The following CMSS1 variants were observed in gnomAD, a reference collection of about 807,000 sequenced individuals.
The protein encoded by CMSS1 is protein CMSS1.
In CMSS1, 33 loss-of-function variants were observed where a neutral mutation model predicts 43.5. The observed-to-expected ratio is 0.76, with a 90% CI of 0.57 to 1.01. The LOEUF (loss-of-function observed/expected upper bound fraction) is 1.01. Among genes scored for constraint, CMSS1 ranks in the 50% least tolerant of loss-of-function variants. CMSS1 has a pLI of 0.00. For missense variants in CMSS1, 313 were observed against 326.4 expected (o/e 0.96, Z 0.32); for synonymous variants, 115 against 117.2 (o/e 0.98, Z 0.12).
intron 1 of CMSS1, among the ~76,000 whole-genome samples, chr3:100,112,609 TA>T (rs1179031307): frequency 6.6e-6 from 1 of 152,246 alleles, no homozygotes; most frequent in Non-Finnish European, 1.5e-5. Flanking sequence ...TGTCACTCTT[TA>T]AATAATGAAT....
At chr3:100,124,160 T>TAA (rs960902149) in intron 1 of CMSS1, among the ~76,000 whole-genome samples, 2 of 152,234 alleles carry the variant, frequency 1.3e-5, no homozygotes, top group African/African-American at 4.8e-5. Flanking sequence ...AGCATCTGGT[T>TAA]AGAGTTTAAT....
chr3:100,021,886 T>C lies in CMSS1; in HGVS notation c.65-125087T>C, dbSNP rs1454651771. ...AATAGCTGATACTTTATGAAACTGT[T>C]CTTAGAATAGCTTGGATGCTAGATC... is the stretch of plus-strand genomic sequence containing the variant. On this transcript the variant is annotated intron_variant, in intron 1 of 9. Coordinates refer to ENST00000421999, the MANE Select transcript of CMSS1 (RefSeq NM_032359.4). 3.3e-5 allele frequency among the ~76,000 whole-genome samples: 5 copies of C among 149,832 alleles called. No homozygotes were observed. The East Asian group carries it at 9.8e-4, about 29-fold the overall frequency.
At chr3:99,990,733 C>T (rs569632706) in intron 1 of CMSS1, among the ~76,000 whole-genome samples, 149 of 150,648 alleles carry the variant, frequency 9.9e-4, no homozygotes, top group Non-Finnish European at 1.5e-3. Flanking sequence ...CAAGTGCCCA[C>T]GGGAGGAAAA....
chr3:99,911,834 TC>T (rs1706799195), intron 1 of CMSS1, among the ~76,000 whole-genome samples: 1 of 152,180 alleles, frequency 6.6e-6, no homozygotes, highest in Non-Finnish European at 1.5e-5. Flanking sequence ...TATTTTTTTT[TC>T]CTAGTTCCTA....
intron 1 of CMSS1, among the ~76,000 whole-genome samples, chr3:100,101,841 A>G (rs1442544458): frequency 6.6e-6 from 1 of 151,948 alleles, no homozygotes; most frequent in African/African-American, 2.4e-5. Context: ...TCATTGTTCA[A>G]TTCCCACCTA....
chr3:100,016,888 A>T (rs1316057145), intron 1 of CMSS1, among the ~76,000 whole-genome samples: 2 of 152,246 alleles, frequency 1.3e-5, no homozygotes, highest in Non-Finnish European at 2.9e-5. Flanking sequence ...AGTGAGAATT[A>T]GTTGTGTCCA....
intron 1 of CMSS1, among the ~76,000 whole-genome samples, chr3:99,912,134 A>C (rs1706809701): frequency 6.6e-6 from 1 of 152,178 alleles, no homozygotes; most frequent in South Asian, 2.1e-4. Flanking sequence ...ATACATCCAT[A>C]CTGACCTTTT....
chr3:99,945,866 T>G (rs1707992556), intron 1 of CMSS1, among the ~76,000 whole-genome samples: 1 of 152,162 alleles, frequency 6.6e-6, no homozygotes, highest in Non-Finnish European at 1.5e-5. Flanking sequence ...ATGCGAAACC[T>G]CTTGTCACAG....
chr3:99,840,756 CAA>C (rs1943098408), intron 1 of CMSS1, among the ~76,000 whole-genome samples: 1 of 152,174 alleles, frequency 6.6e-6, no homozygotes, highest in Non-Finnish European at 1.5e-5. Flanking sequence ...TCACCAAGTT[CAA>C]TTCGCTTATT....
chr3:100,162,621 G>A (rs1274569524), intron 4 of CMSS1, among the ~76,000 whole-genome samples, 189 bp downstream of exon 4: 6 of 152,070 alleles, frequency 3.9e-5, no homozygotes, highest in Admixed American at 2.0e-4. Context: ...CAGCCTGGGC[G>A]ATACAGTGAG....
At chr3:99,926,815 C>G (rs1263062530) in intron 1 of CMSS1, among the ~76,000 whole-genome samples, 1 of 151,950 alleles carries the variant, frequency 6.6e-6, no homozygotes, top group East Asian at 1.9e-4. Context: ...TTGTTTTTTT[C>G]CCTTTATATG....
At chr3:99,837,123 A>T (rs1485051869) in intron 1 of CMSS1, among the ~76,000 whole-genome samples, 1 of 152,224 alleles carries the variant, frequency 6.6e-6, no homozygotes, top group Non-Finnish European at 1.5e-5. Flanking sequence ...TAATTAATAC[A>T]TACTCTTATA....
intron 1 of CMSS1, among the ~76,000 whole-genome samples, chr3:99,881,954 G>T (rs1177358020): frequency 1.3e-5 from 2 of 152,174 alleles, no homozygotes; most frequent in Non-Finnish European, 2.9e-5. Flanking sequence ...AAGTACAATT[G>T]AACAAGTTTT....
chr3:99,875,945 T>C (rs1705490183), intron 1 of CMSS1: 2 of 566,752 alleles, frequency 3.5e-6, no homozygotes, highest in South Asian at 1.5e-4. Context: ...ATTCATTGGA[T>C]GCGCTTTGCG....
chr3:100,023,216 A>G (rs976575314), intron 1 of CMSS1: 22 of 152,332 alleles, frequency 1.4e-4, no homozygotes, highest in African/African-American at 5.3e-4. Context: ...AGTAACCCTT[A>G]CAGAGATAAT....
At chr3:99,965,338 C>T (rs1233899600) in intron 1 of CMSS1, among the ~76,000 whole-genome samples, 1 of 152,164 alleles carries the variant, frequency 6.6e-6, no homozygotes, top group Non-Finnish European at 1.5e-5. Flanking sequence ...TGTGTTCTTA[C>T]TGGTGCAGGC....
At chr3:99,918,078 A>G (rs1211404820) in intron 1 of CMSS1, among the ~76,000 whole-genome samples, 1 of 152,126 alleles carries the variant, frequency 6.6e-6, no homozygotes, top group Non-Finnish European at 1.5e-5. Flanking sequence ...CTTGGGTTCA[A>G]GTGATCCTTC....
intron 1 of CMSS1, among the ~76,000 whole-genome samples, chr3:99,842,357 A>G (rs543805226): frequency 4.3e-4 from 66 of 152,302 alleles, no homozygotes; most frequent in African/African-American, 1.5e-3. Context: ...GGTGTAAGGG[A>G]TAAAAGACTA....
At chr3:100,012,862 C>T (rs181805998) in intron 1 of CMSS1, among the ~76,000 whole-genome samples, 6 of 151,448 alleles carry the variant, frequency 4.0e-5, no homozygotes, top group African/African-American at 1.5e-4. Context: ...CAGCTTCCAC[C>T]TCCCAGGCTC....
Sources: allele counts gnomAD v4.1 joint callset (sites outside exome capture counted in the v4.1 genomes callset), GRCh38; gene constraint gnomAD v4.1.1; transcripts MANE v1.5; gene names NCBI Gene and HGNC (gene_info 2026-07-23, HGNC 2026-07-21).